The following CEP120 variants were observed in gnomAD, a reference collection of about 807,000 sequenced individuals.
CEP120 encodes the protein centrosomal protein 120, also known as centrosomal protein of 120 kDa.
Under a neutral mutation model 126.5 loss-of-function variants are expected in CEP120, and 113 were observed. That is an observed-to-expected ratio of 0.89 (90% confidence interval 0.77 to 1.04). CEP120 has a LOEUF of 1.04. CEP120 is among the 50% of genes least tolerant of loss of function. The pLI is 0.00. For missense variants in CEP120, 1,230 were observed against 1,155.7 expected (o/e 1.06, Z -0.93); for synonymous variants, 400 against 394.3 (o/e 1.01, Z -0.17).
chr5:123,370,088 A>G (rs1770742811), intron 17 of CEP120, among the ~76,000 whole-genome samples: 1 of 152,064 alleles, frequency 6.6e-6, no homozygotes, highest in African/African-American at 2.4e-5. Flanking sequence ...ATGTTTACTC[A>G]GTGCTATAAG....
Position 123,423,336 on chromosome 5 carries a change from G to T in CEP120, c.-338C>A. 1 of 347,156 alleles carries T rather than the reference G, an allele frequency of 2.9e-6. No homozygotes were observed. The highest frequency in any genetic ancestry group is 5.3e-6 in the Non-Finnish European group (1 of 188,978). The allele number at this position is 347,156 out of a possible 1,614,324, so 21.5% of individuals were successfully genotyped here. The stretch of plus-strand genomic sequence containing the variant: ...CGCCCGGGCGGCCGCAGCGGCCGCC[G>T]CCGCGCCCAGCTTCCGCCTAGCAAC... On this transcript the variant is annotated 5_prime_UTR_variant, in exon 1 of 20. Coordinates refer to ENST00000306467, the MANE Select transcript of CEP120 (RefSeq NM_001375405.1).
At chr5:123,387,858 T>C (rs1580694815) in intron 9 of CEP120, among the ~76,000 whole-genome samples, 2 of 152,034 alleles carry the variant, frequency 1.3e-5, no homozygotes, top group South Asian at 2.1e-4. Context: ...CTGACATATA[T>C]ATTATATAAA....
At chr5:123,414,810 C>CA (rs566160292) in intron 3 of CEP120, among the ~76,000 whole-genome samples, 4,572 of 142,156 alleles carry the variant, frequency 0.032, 120 homozygotes, top group Non-Finnish European at 0.051. Context: ...ACTAAAAATT[C>CA]AAAAAAAAAA....
In CEP120 at chr5:123,366,909, C is replaced by A. The variant is rs572192902; in HGVS notation, c.2482-2315G>T. On this transcript the variant is annotated intron_variant, in intron 17 of 19. Transcript: ENST00000306467. ...CCTACTCCAACCAGGTTTGTGTCCC[C>A]TGTGCCTTCCCTACTCCTTGCCCAA... Among the ~76,000 whole-genome samples, 26 of 151,982 alleles carry A rather than the reference C, an allele frequency of 1.7e-4. No homozygotes were observed. The South Asian group carries it at 5.2e-3, about 30-fold the overall frequency.
At chr5:123,366,223 A>C (rs1770448299) in intron 17 of CEP120, among the ~76,000 whole-genome samples, 1 of 151,760 alleles carries the variant, frequency 6.6e-6, no homozygotes, top group African/African-American at 2.4e-5. Context: ...TCCCAGAAAA[A>C]ATATACACAA....
intron 16 of CEP120, among the ~76,000 whole-genome samples, chr5:123,376,881 G>A (rs977522047): frequency 6.6e-6 from 1 of 152,110 alleles, no homozygotes. Context: ...AACGGCTAAA[G>A]GAAGACAAGC....
chr5:123,400,885 G>C (rs2003424), intron 4 of CEP120: 522,954 of 1,248,378 alleles, frequency 0.42, 110,655 homozygotes, highest in East Asian at 0.47. Flanking sequence ...GGGCAGCGCA[G>C]GAGGGGTAGG....
chr5:123,356,762 CTTTG>C (rs1342381813), intron 18 of CEP120, among the ~76,000 whole-genome samples: 2 of 152,064 alleles, frequency 1.3e-5, no homozygotes, highest in African/African-American at 2.4e-5. Context: ...CACTCTCTCT[CTTTG>C]TATTTTTGCA....
intron 5 of CEP120, among the ~76,000 whole-genome samples, chr5:123,395,565 T>C (rs952287358): frequency 6.6e-6 from 1 of 152,196 alleles, no homozygotes; most frequent in African/African-American, 2.4e-5. Flanking sequence ...TTTTGCCTAT[T>C]GTGGATGATT....
intron 8 of CEP120, 122 bp from the exon 9 acceptor site, chr5:123,388,728 C>T (rs1331156306): frequency 1.5e-6 from 1 of 687,416 alleles, no homozygotes; most frequent in Non-Finnish European, 2.2e-6. Flanking sequence ...TATTTTGTCT[C>T]ATGAACATAT....
chr5:123,396,019 T>C (rs1772770907), intron 5 of CEP120, among the ~76,000 whole-genome samples: 1 of 144,660 alleles, frequency 6.9e-6, no homozygotes. Context: ...ACTATAAAGA[T>C]GGAGGTCTCG....
Position 123,378,363 on chromosome 5 carries a change from C to T in CEP120, c.2169G>A (p.Glu723=). Residue 723 remains glutamate, a synonymous_variant, in exon 15 of 20, where the codon GAG becomes GAA. Transcript: ENST00000306467. ...CTGATTCCACACTAGCAAGCTGCTG[C>T]TCTCGCTTCTCCAAGTCAATTAGAG... ...QKTLIDLEKR[E]QQLASVESEL... 6.2e-7 allele frequency: 1 copy of T among 1,608,362 alleles called. No individual in the cohort carries two copies. Among genetic ancestry groups the T allele is most frequent in the East Asian group, 2.2e-5 (1 of 44,542 alleles).
intron 3 of CEP120, among the ~76,000 whole-genome samples, chr5:123,415,235 CA>C (rs975970344): frequency 1.6e-4 from 24 of 151,972 alleles, no homozygotes; most frequent in South Asian, 4.1e-4. Flanking sequence ...TTTGGGGTGG[CA>C]GCAGTGAAAA....
rs1417925494 is a variant in CEP120, at chr5:123,345,074, A to T, written c.*1445T>A. ...GCAATTGAAAGTAAACAGTCACAGCATTTTACCGCAGACCTTCCAAAACAT... is the reference window on the plus strand; with the variant it reads ...GCAATTGAAAGTAAACAGTCACAGCTTTTTACCGCAGACCTTCCAAAACAT... On this transcript the variant is annotated 3_prime_UTR_variant, in exon 20 of 20. Coordinates refer to ENST00000306467, the MANE Select transcript of CEP120 (RefSeq NM_001375405.1). 1 of 152,170 alleles carries T rather than the reference A, an allele frequency of 6.6e-6. No homozygotes were observed. The highest frequency in any genetic ancestry group is 1.5e-5 in the Non-Finnish European group (1 of 68,028). The allele number at this position is 152,170 out of a possible 1,614,324, so 9.4% of individuals were successfully genotyped here.
Position 123,378,360 on chromosome 5 carries a change from C to G in CEP120, c.2172G>C (p.Gln724His), listed in dbSNP as rs768163500. 1 of 1,608,084 alleles carries G rather than the reference C, an allele frequency of 6.2e-7. No individual in the cohort carries two copies. Among genetic ancestry groups the G allele is most frequent in the South Asian group, 1.1e-5 (1 of 90,336 alleles). Reference protein sequence around the residue: ...KTLIDLEKREQQLASVESELQ... With the variant: ...KTLIDLEKREHQLASVESELQ... ...CCTCTGATTCCACACTAGCAAGCTG[C>G]TGCTCTCGCTTCTCCAAGTCAATTA... Residue 724 changes from glutamine (Q) to histidine (H), a missense_variant, in exon 15 of 20, where the codon CAG becomes CAC. Physicochemically the swap from Gln to His is conservative, Grantham distance 24. Transcript: ENST00000306467.
At chr5:123,371,640 A>C (rs1396066855) in intron 17 of CEP120, among the ~76,000 whole-genome samples, 1 of 152,092 alleles carries the variant, frequency 6.6e-6, no homozygotes, top group Non-Finnish European at 1.5e-5. Context: ...AGGAAGCTGG[A>C]GAGAAGGGCT....
In CEP120 at chr5:123,402,138, T is replaced by G. The variant is rs1269247443; in HGVS notation, c.464-2854A>C. 3.2e-6 allele frequency: 5 copies of G among 1,586,270 alleles called. No individual in the cohort carries two copies. The African/African-American group carries it at 6.7e-5, about 21-fold the overall frequency. Reference sequence around the variant, plus strand: ...GACAAGGGGGCTCAGCAGGCTCTGGTTGACTGTGACCGCGGTGATGCCTCC... The same window carrying G: ...GACAAGGGGGCTCAGCAGGCTCTGGGTGACTGTGACCGCGGTGATGCCTCC... On this transcript the variant is annotated intron_variant, in intron 4 of 19. Transcript: ENST00000306467.
upstream of CEP120, chr5:123,423,410 T>A (rs1486846883): frequency 4.2e-6 from 1 of 238,300 alleles, no homozygotes; most frequent in Non-Finnish European, 8.3e-6. Context: ...CAACGGGTGA[T>A]AGAGACAGAG....
At chr5:123,359,514 G>GTATT (rs1262301811) in intron 18 of CEP120, among the ~76,000 whole-genome samples, 1 of 152,002 alleles carries the variant, frequency 6.6e-6, no homozygotes, top group Admixed American at 6.6e-5. Context: ...TGCAATTCAA[G>GTATT]TATTTGTTTT....
Sources: gnomAD v4.1 joint callset for allele counts (sites outside exome capture counted in the v4.1 genomes callset) on GRCh38, gnomAD v4.1.1 for gene constraint, MANE v1.5 for transcripts, NCBI Gene and HGNC (gene_info 2026-07-23, HGNC 2026-07-21) for gene names.